PI15: variants seen among roughly 807,000 people sequenced by gnomAD.
The protein encoded by PI15 is 25 kDa trypsin inhibitor.
Under a neutral mutation model 31.0 loss-of-function variants are expected in PI15, and 18 were observed. That is an observed-to-expected ratio of 0.58 (90% CI 0.40 to 0.86). The LOEUF (loss-of-function observed/expected upper bound fraction) is 0.86. PI15 is among the 40% of genes least tolerant of loss of function. PI15 has a pLI of 0.00. For synonymous variants in PI15, 118 were observed against 119.1 expected (o/e 0.99, Z 0.06); for missense variants, 282 against 328.1 (o/e 0.86, Z 1.09).
chr8:74,834,053 C>G (rs553558985), intron 2 of PI15, among the ~76,000 whole-genome samples: 6 of 152,274 alleles, frequency 3.9e-5, no homozygotes, highest in African/African-American at 1.4e-4. Context: ...ATCTAATGCT[C>G]TAAAGCCTGA....
intron 2 of PI15, among the ~76,000 whole-genome samples, chr8:74,833,796 T>A (rs190094479): frequency 1.3e-5 from 2 of 152,168 alleles, no homozygotes; most frequent in African/African-American, 4.8e-5. Context: ...TAAATAAAAA[T>A]GTTAAGAACA....
At position 74,849,562 on chromosome 8, in the gene PI15, G is replaced by A; in HGVS notation, c.*309G>A. On this transcript the variant is annotated 3_prime_UTR_variant, in exon 6 of 6. Transcript: ENST00000260113. The stretch of plus-strand genomic sequence containing the variant: ...GGAATTATATCATTATGTTCCTAAG[G>A]AGTAAATATATATTTGACCTGTAAG... 1 of 217,996 alleles carries A rather than the reference G, an allele frequency of 4.6e-6. No individual in the cohort carries two copies. The highest frequency in any genetic ancestry group is 1.2e-4 in the East Asian group (1 of 8,584). 13.5% of individuals were successfully genotyped at this position (217,996 alleles called of 1,614,324 possible). A position where few individuals can be genotyped will look rare whatever the true frequency, so the allele number is the denominator to read the frequency against.
Position 74,853,294 on chromosome 8 carries a change from T to G in PI15, c.*4041T>G, listed in dbSNP as rs562007884. The G allele has an allele frequency of 5.2e-5, 8 of 152,722 alleles. No homozygotes were observed. In the East Asian group the frequency reaches 1.5e-3, roughly 29 times the overall value. 9.5% of individuals were successfully genotyped at this position (152,722 alleles called of 1,614,324 possible). On this transcript the variant is annotated 3_prime_UTR_variant, in exon 6 of 6. Coordinates refer to ENST00000260113, the MANE Select transcript of PI15 (RefSeq NM_015886.5). ...GTGCTAAATGAATTGTTAGTGTTGA[T>G]GGCTTTAGTAATGCTCCTTTTATTC...
At chr8:74,847,445 CA>C (rs34112666) in intron 5 of PI15, among the ~76,000 whole-genome samples, 52,861 of 128,444 alleles carry the variant, frequency 0.41, 9,579 homozygotes, top group Middle Eastern at 0.46. Flanking sequence ...AACTCTGTCT[CA>C]AAAAAAAAAA....
chr8:74,846,174 G>C (rs984620718), intron 5 of PI15, among the ~76,000 whole-genome samples: 7 of 152,130 alleles, frequency 4.6e-5, no homozygotes, highest in African/African-American at 1.7e-4. Flanking sequence ...GACACTCTTG[G>C]TGTCTTCCAA....
Position 74,852,513 on chromosome 8 carries a change from G to A in PI15, c.*3260G>A, listed in dbSNP as rs1811122554. On this transcript the variant is annotated 3_prime_UTR_variant, in exon 6 of 6. Transcript: ENST00000260113. ...CTTCTGTGGCCCATCACGCAGCAGA[G>A]TTGCCCTACAAATTTCATTTGGCAG... 6.6e-6 allele frequency: 1 copy of A among 152,058 alleles called. No homozygotes were observed. Among genetic ancestry groups the A allele is most frequent in the African/African-American group, 2.4e-5 (1 of 41,436 alleles). The allele number at this position is 152,058 out of a possible 1,614,324, so 9.4% of individuals were successfully genotyped here.
At position 74,825,451 on chromosome 8, in the gene PI15, A is replaced by G; in HGVS notation, c.202A>G (p.Ile68Val). ...GCGCTACATTTCGCAGAATGACATGATCGCCATTCTTGATTATCATAATCA... is the reference window on the plus strand; with the variant it reads ...GCGCTACATTTCGCAGAATGACATGGTCGCCATTCTTGATTATCATAATCA... ...RKRYISQNDM[I>V]AILDYHNQVR... is the part of the protein sequence containing the mutation. Residue 68 changes from isoleucine to valine, a missense_variant, in exon 2 of 6, where the codon ATC becomes GTC. By Grantham distance (29) the Ile-to-Val change is conservative. Transcript: ENST00000260113. 1 of 1,612,638 alleles carries G rather than the reference A, an allele frequency of 6.2e-7. No individual in the cohort carries two copies. Among genetic ancestry groups the G allele is most frequent in the Non-Finnish European group, 8.5e-7 (1 of 1,178,974 alleles).
At chr8:74,843,901 T>C (rs1200617386) in intron 2 of PI15, 80 bp from the exon 3 acceptor site, 2 of 793,132 alleles carry the variant, frequency 2.5e-6, no homozygotes, top group Non-Finnish European at 2.3e-6. Context: ...CTCTAGGAAA[T>C]AGTAGCACCA....
chr8:74,825,514 G>A lies in PI15; in HGVS notation c.265G>A (p.Glu89Lys). 1 of 1,604,186 alleles carries A rather than the reference G, an allele frequency of 6.2e-7. No homozygotes were observed. The highest frequency in any genetic ancestry group is 8.5e-7 in the Non-Finnish European group (1 of 1,173,724). Residue 89 changes from glutamate to lysine, a missense_variant, in exon 2 of 6, where the codon GAA becomes AAA. Glu to Lys is a moderately conservative substitution (Grantham distance 56). Coordinates refer to ENST00000260113, the MANE Select transcript of PI15 (RefSeq NM_015886.5). ...GKVFPPAANM[E>K]YMVWDENLAK... ...AGTGTTCCCACCGGCAGCAAATATG[G>A]AATATATGGTAAGAAGAATTCTTTT...
In PI15 at chr8:74,839,016, G is replaced by A. The variant is rs142966887; in HGVS notation, c.274-4965G>A. On this transcript the variant is annotated intron_variant, in intron 2 of 5. Coordinates refer to ENST00000260113, the MANE Select transcript of PI15 (RefSeq NM_015886.5). The stretch of plus-strand genomic sequence containing the variant: ...TTTTTCTGTCTACTTATGGAAGTCC[G>A]CAACCTTTGCCCATGCAGCAACATT... Among the ~76,000 whole-genome samples, 628 of 152,294 alleles carry A rather than the reference G, an allele frequency of 4.1e-3. 11 individuals are homozygous for A. The highest frequency in any genetic ancestry group is 2.6e-3 in the Non-Finnish European group (178 of 68,020).
chr8:74,827,625 G>T (rs567154442), intron 2 of PI15, among the ~76,000 whole-genome samples: 1 of 152,262 alleles, frequency 6.6e-6, no homozygotes, highest in East Asian at 1.9e-4. Flanking sequence ...TTAGAATTTA[G>T]GTCTGTGTAA....
At chr8:74,829,882 A>G (rs975750000) in intron 2 of PI15, among the ~76,000 whole-genome samples, 1 of 152,124 alleles carries the variant, frequency 6.6e-6, no homozygotes, top group Non-Finnish European at 1.5e-5. Context: ...AAAGCAATGC[A>G]TGAACAAAAT....
In PI15 at chr8:74,825,380, T is replaced by C. The variant is rs1810680384; in HGVS notation, c.131T>C (p.Leu44Pro). ...AATTTCACTGATATTGAAGCAGCTC[T>C]GAAAGCACAATTAGATTCAGCGGAT... ...TNNFTDIEAALKAQLDSADIP... is the reference protein window; with the variant it reads ...TNNFTDIEAAPKAQLDSADIP... The change falls in exon 2 of 6, where the codon CTG becomes CCG. Residue 44 changes from leucine to proline, a missense_variant. Physicochemically the swap from Leu to Pro is moderately conservative, Grantham distance 98 (BLOSUM62 -3). Transcript: ENST00000260113. The C allele has an allele frequency of 6.2e-7, 1 of 1,613,444 alleles. No individual in the cohort carries two copies. Among genetic ancestry groups the C allele is most frequent in the African/African-American group, 1.3e-5 (1 of 74,868 alleles).
At position 74,825,284 on chromosome 8, in the gene PI15, T is replaced by C. The variant is rs759660126; in HGVS notation, c.35T>C (p.Leu12Pro). The change falls in exon 2 of 6, where the codon CTG becomes CCG. Residue 12 changes from leucine (L) to proline (P), a missense_variant. By Grantham distance (98) the Leu-to-Pro change is moderately conservative. Coordinates refer to ENST00000260113, the MANE Select transcript of PI15 (RefSeq NM_015886.5). ...IAISAVSSAL[L>P]FSLLCEASTV... ...ATCTCTGCCGTCAGCAGTGCACTCC[T>C]GTTCTCCCTTCTCTGTGAAGCAAGT... The C allele has an allele frequency of 1.2e-6, 2 of 1,613,534 alleles. No homozygotes were observed. The highest frequency in any genetic ancestry group is 8.5e-7 in the Non-Finnish European group (1 of 1,179,602).
chr8:74,844,896 CAT>C, intron 3 of PI15: 1 of 482,408 alleles, frequency 2.1e-6, no homozygotes, highest in Non-Finnish European at 3.7e-6. Flanking sequence ...TGACCAGACA[CAT>C]GTTTAGACAA....
chr8:74,834,081 G>C (rs555754565), intron 2 of PI15, among the ~76,000 whole-genome samples: 4 of 152,158 alleles, frequency 2.6e-5, no homozygotes, highest in Non-Finnish European at 5.9e-5. Flanking sequence ...AGATGGAACA[G>C]TTTCATCTCA....
intron 2 of PI15, among the ~76,000 whole-genome samples, chr8:74,835,918 G>A (rs1000943251): frequency 6.6e-5 from 10 of 152,156 alleles, no homozygotes; most frequent in Middle Eastern, 3.4e-3. Context: ...GCTGTATTGA[G>A]CACACCCTTA....
chr8:74,838,346 C>T (rs1210650705), intron 2 of PI15, among the ~76,000 whole-genome samples: 2 of 152,052 alleles, frequency 1.3e-5, no homozygotes, highest in Non-Finnish European at 2.9e-5. Context: ...GTAACCATTA[C>T]ATTTATTAGT....
intron 2 of PI15, among the ~76,000 whole-genome samples, chr8:74,829,461 A>G (rs953934752): frequency 4.6e-5 from 7 of 152,070 alleles, no homozygotes; most frequent in African/African-American, 1.7e-4. Flanking sequence ...AAACCACACT[A>G]GTTTCTTAGA....
Sources: gnomAD v4.1 joint callset for allele counts (sites outside exome capture counted in the v4.1 genomes callset) on GRCh38, gnomAD v4.1.1 for gene constraint, MANE v1.5 for transcripts, NCBI Gene and HGNC (gene_info 2026-07-23, HGNC 2026-07-21) for gene names.